APC2: variants seen among roughly 807,000 people sequenced by gnomAD.
The protein encoded by APC2 is adenomatous polyposis coli protein 2.
In APC2, 41 loss-of-function variants were observed where a neutral mutation model predicts 72.5. The observed-to-expected ratio is 0.57, with a 90% CI of 0.44 to 0.73. The LOEUF (loss-of-function observed/expected upper bound fraction) is 0.73, where lower values mean the gene tolerates loss of function less well. APC2 is among the 30% of genes least tolerant of loss of function. The pLI, the probability that APC2 is intolerant of heterozygous loss-of-function variation, is 0.00. For missense variants in APC2, 3,729 were observed against 3,403.4 expected, an observed-to-expected ratio of 1.10 and a Z score of -2.38; for synonymous variants, 1,898 against 1,612.0, an observed-to-expected ratio of 1.18 and a Z score of -4.25.
In APC2 at chr19:1,468,878, C is replaced by A; in HGVS notation, c.5577C>A (p.Pro1859=). The A allele has an allele frequency of 3.2e-6, 5 of 1,539,564 alleles. No individual in the cohort carries two copies. The highest frequency in any genetic ancestry group is 1.9e-5 in the Admixed American group (1 of 53,380). ...TSELATLSQP[P]RSATPPARLA... Reference sequence around the variant, plus strand: ...AGCTGGCGACGCTGAGCCAGCCCCCCAGAAGCGCCACACCGCCCGCCCGCC... The same window carrying A: ...AGCTGGCGACGCTGAGCCAGCCCCCAAGAAGCGCCACACCGCCCGCCCGCC... Residue 1859 remains proline, a synonymous_variant, in exon 15 of 15, where the codon CCC becomes CCA. Coordinates refer to ENST00000590469, the MANE Select transcript of APC2 (RefSeq NM_005883.3).
chr19:1,452,784 C>A lies in APC2; in HGVS notation c.-18-200C>A. The stretch of plus-strand genomic sequence containing the variant: ...CCCCTTGGGGCCACCTCTCACTCCA[C>A]CTGCCCCTCTGCGCCCCGGATTGCC... On this transcript the variant is annotated intron_variant, in intron 1 of 14. Coordinates refer to ENST00000590469, the MANE Select transcript of APC2 (RefSeq NM_005883.3). This position sits in a 1 kb window ranked among gnomAD's most constrained non-coding sequence, Gnocchi z 5.1. The A allele has an allele frequency of 3.3e-6, 2 of 610,476 alleles. No individual in the cohort carries two copies. The highest frequency in any genetic ancestry group is 2.2e-5 in the South Asian group (1 of 45,388). The allele number at this position is 610,476 out of a possible 1,614,324, so 37.8% of individuals were successfully genotyped here. A position where few individuals can be genotyped will look rare whatever the true frequency, so the allele number is the denominator to read the frequency against.
chr19:1,458,311 G>C (rs776405778), intron 10 of APC2: 12 of 551,968 alleles, frequency 2.2e-5, no homozygotes, highest in Non-Finnish European at 3.9e-5. Flanking sequence ...TCAGCCCTAA[G>C]TTCCCTGGGG....
At position 1,466,736 on chromosome 19, in the gene APC2, C is replaced by T; in HGVS notation, c.3435C>T (p.Ser1145=). ...TGGGGGTGGAAGACGCCACGCCGTC[C>T]AGCTCGTCGGAGAACTACGTGCAGG... ...RGLGVEDATP[S]SSSENYVQET... The change falls in exon 15 of 15, where the codon TCC becomes TCT. Residue 1145 remains serine, a synonymous_variant. Transcript: ENST00000590469. 6.5e-7 allele frequency: 1 copy of T among 1,542,810 alleles called. No homozygotes were observed. The highest frequency in any genetic ancestry group is 1.4e-5 in the African/African-American group (1 of 73,252).
At position 1,469,274 on chromosome 19, in the gene APC2, C is replaced by T; in HGVS notation, c.5973C>T (p.Phe1991=). 1.4e-6 allele frequency: 2 copies of T among 1,426,242 alleles called. No homozygotes were observed. Among genetic ancestry groups the T allele is most frequent in the Admixed American group, 4.9e-5 (2 of 40,696 alleles). 88.3% of individuals were successfully genotyped at this position (1,426,242 alleles called of 1,614,324 possible). A position where few individuals can be genotyped will look rare whatever the true frequency, so the allele number is the denominator to read the frequency against. The change falls in exon 15 of 15, where the codon TTC becomes TTT. Residue 1991 remains phenylalanine (F), a synonymous_variant. Coordinates refer to ENST00000590469, the MANE Select transcript of APC2 (RefSeq NM_005883.3). Reference sequence around the variant, plus strand: ...GCGAGTCCTCCGACCGCTCGGGCTTCCGGCGACAGCTAACCTTCATCAAGG... The same window carrying T: ...GCGAGTCCTCCGACCGCTCGGGCTTTCGGCGACAGCTAACCTTCATCAAGG... The part of the protein sequence containing the change: ...SGSESSDRSG[F]RRQLTFIKES...
rs752666820 is a variant in APC2, at chr19:1,468,730, G to A, written c.5429G>A (p.Gly1810Asp). ...CGTGCCCAGCCCAAAGGGACCCCCG[G>A]CCCCCGCGCCACACCGCGGAAGGTG... ...APRAQPKGTP[G>D]PRATPRKVAP... Residue 1810 changes from glycine (G) to aspartate (D), a missense_variant, in exon 15 of 15, where the codon GGC becomes GAC. Physicochemically the swap from Gly to Asp is moderately conservative, Grantham distance 94. Coordinates refer to ENST00000590469, the MANE Select transcript of APC2 (RefSeq NM_005883.3). 1 of 1,504,004 alleles carries A rather than the reference G, an allele frequency of 6.6e-7. No homozygotes were observed. Among genetic ancestry groups the A allele is most frequent in the Non-Finnish European group, 8.9e-7 (1 of 1,122,574 alleles). 93.2% of individuals were successfully genotyped at this position (1,504,004 alleles called of 1,614,324 possible).
chr19:1,461,361 G>A, intron 13 of APC2: 9 of 597,520 alleles, frequency 1.5e-5, no homozygotes, highest in South Asian at 3.9e-5. Context: ...GCTCACTTGA[G>A]GTCAGGAGTT....
chr19:1,449,927 G>T (rs923410482), upstream of APC2, among the ~76,000 whole-genome samples: 5 of 152,202 alleles, frequency 3.3e-5, no homozygotes, highest in Admixed American at 1.3e-4. Flanking sequence ...GGTCCTCGGG[G>T]CACCCCCTTC....
Position 1,456,863 on chromosome 19 carries a change from T to G in APC2, c.827T>G (p.Val276Gly). The G allele has an allele frequency of 6.3e-7, 1 of 1,596,416 alleles. No homozygotes were observed. Among genetic ancestry groups the G allele is most frequent in the Non-Finnish European group, 8.5e-7 (1 of 1,176,812 alleles). The change falls in exon 9 of 15, where the codon GTC becomes GGC. Residue 276 changes from valine (V) to glycine (G), a missense_variant. Transcript: ENST00000590469. ...PQPGNSKVEV[V>G]FWLLSMLATR... ...CTGCCCTCCCCCCAGGTGGAGGTGG[T>G]CTTCTGGCTGTTGTCCATGTTGGCG...
In APC2 at chr19:1,471,930, C is replaced by A. The variant is rs2084141122; in HGVS notation, c.*1717C>A. On this transcript the variant is annotated 3_prime_UTR_variant, in exon 15 of 15. Transcript: ENST00000590469. ...GCACCCCATGCTCCGGGCCCACACC[C>A]TGCAGGACAAGGAGCTCCAGACAGG... is the stretch of plus-strand genomic sequence containing the variant. 6.6e-6 allele frequency: 1 copy of A among 152,470 alleles called. No individual in the cohort carries two copies. The highest frequency in any genetic ancestry group is 1.5e-5 in the Non-Finnish European group (1 of 68,186). 9.4% of individuals were successfully genotyped at this position (152,470 alleles called of 1,614,324 possible).
chr19:1,468,437 C>T lies in APC2; in HGVS notation c.5136C>T (p.Ser1712=). The T allele has an allele frequency of 1.3e-6, 2 of 1,593,154 alleles. No individual in the cohort carries two copies. The highest frequency in any genetic ancestry group is 8.5e-7 in the Non-Finnish European group (1 of 1,171,166). The stretch of plus-strand genomic sequence containing the variant: ...CAGCTGCCACGCGGGAGGCCTCGTC[C>T]GAGTCCGACTCCATCCTGTCCTTCG... ...QAAAATREAS[S]ESDSILSFVS... is the part of the protein sequence containing the mutation. Residue 1712 remains serine, a synonymous_variant, in exon 15 of 15, where the codon TCC becomes TCT. Transcript: ENST00000590469.
rs1199788656 is a variant in APC2, at chr19:1,453,307, G to A, written c.202G>A (p.Gly68Arg). ...GGAGGCCCGAGTGCTGGTGTCCTCG[G>A]GGCAGACGGAGGTGCTGGAGCAGCT... ...EQEARVLVSS[G>R]QTEVLEQLKA... Residue 68 changes from glycine (G) to arginine (R), a missense_variant, in exon 3 of 15, where the codon GGG becomes AGG. Physicochemically the swap from Gly to Arg is moderately radical, Grantham distance 125. Transcript: ENST00000590469. The A allele has an allele frequency of 6.3e-7, 1 of 1,593,464 alleles. No individual in the cohort carries two copies. The highest frequency in any genetic ancestry group is 1.8e-5 in the Admixed American group (1 of 55,574).
At chr19:1,457,266 C>T (rs2083848636) in intron 9 of APC2, 23 bp downstream of exon 9, 2 of 1,492,562 alleles carry the variant, frequency 1.3e-6, no homozygotes, top group Non-Finnish European at 1.8e-6. Flanking sequence ...CCTGGTGGGC[C>T]CCCTCCGCGC....
chr19:1,453,190 C>T (rs1359007655), intron 2 of APC2, 48 bp downstream of exon 2: 2 of 1,567,862 alleles, frequency 1.3e-6, no homozygotes, highest in African/African-American at 1.4e-5. Flanking sequence ...GGGTGGTGCC[C>T]CCCGGCAGCC....
chr19:1,452,084 C>T lies in APC2; in HGVS notation c.-18-900C>T. The T allele has an allele frequency of 7.0e-6, 1 of 141,908 alleles. No individual in the cohort carries two copies. Among genetic ancestry groups the T allele is most frequent in the African/African-American group, 2.7e-5 (1 of 36,880 alleles). The allele number at this position is 141,908 out of a possible 1,614,324, so 8.8% of individuals were successfully genotyped here. On this transcript the variant is annotated intron_variant, in intron 1 of 14. Coordinates refer to ENST00000590469, the MANE Select transcript of APC2 (RefSeq NM_005883.3). This position sits in a 1 kb window ranked among gnomAD's most constrained non-coding sequence, Gnocchi z 5.1. ...CAAAGGCGGAGGGAGGAGGCGAGCG[C>T]TGATGGGAAAGGAACAAAGAGGGAA...
At chr19:1,458,521 T>G (rs2083874647) in intron 10 of APC2, 1 of 159,260 alleles carries the variant, frequency 6.3e-6, no homozygotes, top group Admixed American at 6.1e-5. Context: ...TGACTTTAGC[T>G]CAGAAGTTCG....
chr19:1,463,350 G>A (rs1041900169), intron 14 of APC2, among the ~76,000 whole-genome samples: 2 of 151,428 alleles, frequency 1.3e-5, no homozygotes, highest in Non-Finnish European at 2.9e-5. Context: ...CCCGGGAGGC[G>A]GAGGCTGCAG....
In APC2 at chr19:1,461,057, G is replaced by A. The variant is rs1253350967; in HGVS notation, c.1542G>A (p.Arg514=). The A allele has an allele frequency of 1.5e-5, 24 of 1,613,918 alleles. No individual in the cohort carries two copies. The highest frequency in any genetic ancestry group is 2.0e-5 in the Non-Finnish European group (24 of 1,180,026). The change falls in exon 13 of 15, where the codon CGG becomes CGA. Residue 514 remains arginine, a synonymous_variant. Transcript: ENST00000590469. ...CCCAGGTGGTGTCCAGCATCCTTCG[G>A]AACTTGTCCTGGAGGGCCGACATCA... ...ELHQVVSSIL[R]NLSWRADINS...
chr19:1,468,426 G>C lies in APC2; in HGVS notation c.5125G>C (p.Glu1709Gln). 1.9e-6 allele frequency: 3 copies of C among 1,592,174 alleles called. No homozygotes were observed. Among genetic ancestry groups the C allele is most frequent in the Non-Finnish European group, 2.6e-6 (3 of 1,170,322 alleles). ...GCACCAGGCAGCAGCTGCCACGCGG[G>C]AGGCCTCGTCCGAGTCCGACTCCAT... ...WLHQAAAATR[E>Q]ASSESDSILS... The change falls in exon 15 of 15, where the codon GAG (glutamate) becomes CAG (glutamine). Residue 1709 changes from glutamate (E) to glutamine (Q), a missense_variant. Physicochemically the swap from Glu to Gln is conservative, Grantham distance 29. Coordinates refer to ENST00000590469, the MANE Select transcript of APC2 (RefSeq NM_005883.3).
Position 1,465,525 on chromosome 19 carries a change from C to G in APC2, c.2224C>G (p.Leu742Val). 6.5e-7 allele frequency: 1 copy of G among 1,527,914 alleles called. No individual in the cohort carries two copies. 94.6% of individuals were successfully genotyped at this position (1,527,914 alleles called of 1,614,324 possible). A position where few individuals can be genotyped will look rare whatever the true frequency, so the allele number is the denominator to read the frequency against. Reference protein sequence around the residue: ...ARHLAQALEHLEKQGPPAAEA... With the variant: ...ARHLAQALEHVEKQGPPAAEA... Reference sequence around the variant, plus strand: ...GCACCTCGCGCAGGCGCTGGAGCACCTGGAGAAGCAGGGCCCGCCGGCAGC... The same window carrying G: ...GCACCTCGCGCAGGCGCTGGAGCACGTGGAGAAGCAGGGCCCGCCGGCAGC... Residue 742 changes from leucine (L) to valine (V), a missense_variant, in exon 15 of 15, where the codon CTG (leucine) becomes GTG (valine). Physicochemically the swap from Leu to Val is conservative, Grantham distance 32. Coordinates refer to ENST00000590469, the MANE Select transcript of APC2 (RefSeq NM_005883.3).
Sources: gnomAD v4.1 joint callset for allele counts (sites outside exome capture counted in the v4.1 genomes callset) on GRCh38, gnomAD v4.1.1 for gene constraint, Gnocchi (gnomAD v3.1) non-coding constraint, MANE v1.5 for transcripts, NCBI Gene and HGNC (gene_info 2026-07-23, HGNC 2026-07-21) for gene names.